The following RAVER2 variants were observed in gnomAD, a reference collection of about 807,000 sequenced individuals.
The protein encoded by RAVER2 is ribonucleoprotein PTB-binding 2.
Under a neutral mutation model 78.1 loss-of-function variants are expected in RAVER2, and 46 were observed. That is an observed-to-expected ratio of 0.59 (90% CI 0.46 to 0.75). RAVER2 has a LOEUF of 0.75. Ranked by LOEUF, RAVER2 falls within the 30% of genes least tolerant of loss-of-function variation. The pLI, the probability that RAVER2 is intolerant of heterozygous loss-of-function variation, is 0.00. For missense variants in RAVER2, 793 were observed against 837.5 expected, an observed-to-expected ratio of 0.95 and a Z score of 0.66; for synonymous variants, 311 against 313.3, an observed-to-expected ratio of 0.99 and a Z score of 0.08.
At chr1:64,794,712 A>G (rs1653049048) in intron 5 of RAVER2, among the ~76,000 whole-genome samples, 1 of 152,024 alleles carries the variant, frequency 6.6e-6, no homozygotes, top group Non-Finnish European at 1.5e-5. Context: ...TCTTCTTATC[A>G]AGTTGTAAGA....
intron 1 of RAVER2, among the ~76,000 whole-genome samples, chr1:64,749,956 T>G (rs1651651756): frequency 1.3e-5 from 2 of 152,230 alleles, no homozygotes; most frequent in African/African-American, 4.8e-5. Flanking sequence ...AGGTCTTATG[T>G]GTGTGCATGT....
chr1:64,776,418 A>T (rs1652467038), intron 2 of RAVER2, among the ~76,000 whole-genome samples: 1 of 152,234 alleles, frequency 6.6e-6, no homozygotes. Flanking sequence ...TTAGCATCAC[A>T]CTTAGTGTGG....
intron 2 of RAVER2, among the ~76,000 whole-genome samples, chr1:64,772,233 G>T (rs1652339453): frequency 6.6e-6 from 1 of 151,806 alleles, no homozygotes; most frequent in Non-Finnish European, 1.5e-5. Flanking sequence ...CATGGAAGAA[G>T]CTATAGAACA....
intron 5 of RAVER2, among the ~76,000 whole-genome samples, chr1:64,796,612 G>T (rs1653103541): frequency 6.6e-6 from 1 of 151,922 alleles, no homozygotes; most frequent in Non-Finnish European, 1.5e-5. Flanking sequence ...TATAGTGATG[G>T]CCTCTTTCAC....
At chr1:64,781,344 A>G (rs1652620152) in intron 3 of RAVER2, 36 bp from the exon 4 acceptor site, 1 of 1,468,438 alleles carries the variant, frequency 6.8e-7, no homozygotes, top group Non-Finnish European at 9.1e-7. Flanking sequence ...CTAAGTAAAG[A>G]TCGGAATTAC....
chr1:64,789,277 A>G (rs1042528904), intron 4 of RAVER2, 111 bp from the exon 5 acceptor site: 22 of 908,836 alleles, frequency 2.4e-5, no homozygotes, highest in Non-Finnish European at 3.2e-5. Context: ...AATTATGTTT[A>G]TCATAAAATA....
intron 4 of RAVER2, 83 bp from the exon 5 acceptor site, chr1:64,789,305 G>C (rs1209805871): frequency 3.0e-5 from 36 of 1,181,822 alleles, no homozygotes; most frequent in Non-Finnish European, 5.7e-6. Flanking sequence ...TCAGATGAAT[G>C]AGGATTTCTA....
chr1:64,778,030 T>C, exon 3 of RAVER2: 2 of 1,614,076 alleles, frequency 1.2e-6, no homozygotes, highest in Non-Finnish European at 8.5e-7. Context: ...CCCCAGTGAC[T>C]ACAGGGATTC....
At chr1:64,804,788 C>T in exon 7 of RAVER2, 1 of 1,552,150 alleles carries the variant, frequency 6.4e-7, no homozygotes, top group Non-Finnish European at 8.9e-7. Flanking sequence ...TTCTCATATA[C>T]CACTGGCACA....
At chr1:64,780,993 A>C (rs192197752) in intron 3 of RAVER2, among the ~76,000 whole-genome samples, 2 of 152,196 alleles carry the variant, frequency 1.3e-5, no homozygotes, top group African/African-American at 4.8e-5. Flanking sequence ...TGTGTGGTCA[A>C]ATAATTTGTT....
chr1:64,795,660 T>C (rs1431091429), intron 5 of RAVER2, among the ~76,000 whole-genome samples: 1 of 152,126 alleles, frequency 6.6e-6, no homozygotes, highest in Non-Finnish European at 1.5e-5. Flanking sequence ...ATTTATCTTA[T>C]ATCCTACAGT....
chr1:64,819,100 C>T (rs1351703176), intron 11 of RAVER2, among the ~76,000 whole-genome samples: 1 of 151,808 alleles, frequency 6.6e-6, no homozygotes, highest in East Asian at 1.9e-4. Flanking sequence ...TCAATATGTC[C>T]AGTAGAACAA....
rs1439929574 is a variant in RAVER2, at chr1:64,802,034, G to A, written c.1106-942G>A. On this transcript the variant is annotated intron_variant, in intron 5 of 11. Transcript: ENST00000294428. ...AAAATGGTGGGCAATTCCCAGAACT[G>A]AGGGTTCCTGCCCTTTTTAGACCAT... Among the ~76,000 whole-genome samples, 3 of 152,188 alleles carry A rather than the reference G, an allele frequency of 2.0e-5. No individual in the cohort carries two copies. In the East Asian group the frequency reaches 5.8e-4, roughly 29 times the overall value.
chr1:64,823,091 CTA>C (rs1006499798), intron 11 of RAVER2, among the ~76,000 whole-genome samples: 1 of 152,066 alleles, frequency 6.6e-6, no homozygotes, highest in African/African-American at 2.4e-5. Flanking sequence ...TAAAAATACT[CTA>C]GAATTCAATT....
At chr1:64,804,788 C>G (rs1448364518) in exon 7 of RAVER2, 2 of 1,552,152 alleles carry the variant, frequency 1.3e-6, no homozygotes, top group South Asian at 1.1e-5. Context: ...TTCTCATATA[C>G]CACTGGCACA....
chr1:64,805,128 G>T lies in RAVER2; in HGVS notation c.1411+23G>T, dbSNP rs547732604. ...AAAGTAAATGATGTGTATTTACTGA[G>T]AAGTCAGTAAACAGTCAGGTTTGAG... is the stretch of plus-strand genomic sequence containing the variant. On this transcript the variant is annotated intron_variant, in intron 8 of 11. Coordinates refer to ENST00000294428, the Ensembl canonical transcript of RAVER2. 2.6e-6 allele frequency: 4 copies of T among 1,554,900 alleles called. No homozygotes were observed. In the African/African-American group the frequency reaches 5.4e-5, roughly 21 times the overall value.
chr1:64,780,478 A>G (rs1432381724), intron 3 of RAVER2, among the ~76,000 whole-genome samples: 1 of 152,226 alleles, frequency 6.6e-6, no homozygotes, highest in Non-Finnish European at 1.5e-5. Flanking sequence ...TTCAAAAACA[A>G]GAGAAAAGAA....
At chr1:64,801,378 C>T (rs1316105537) in intron 5 of RAVER2, among the ~76,000 whole-genome samples, 8 of 151,678 alleles carry the variant, frequency 5.3e-5, no homozygotes, top group Non-Finnish European at 1.0e-4. Flanking sequence ...GGATTACAGG[C>T]GTGAGCCACT....
chr1:64,747,685 G>C (rs963187592), intron 1 of RAVER2, among the ~76,000 whole-genome samples: 1 of 152,012 alleles, frequency 6.6e-6, no homozygotes, highest in East Asian at 1.9e-4. Context: ...GCTAATTTTT[G>C]TATTTTTTAG....
Sources: allele counts gnomAD v4.1 joint callset (sites outside exome capture counted in the v4.1 genomes callset), GRCh38; gene constraint gnomAD v4.1.1; transcripts MANE v1.5; gene names NCBI Gene and HGNC (gene_info 2026-07-23, HGNC 2026-07-21).